The following ETNK1 variants were observed in gnomAD, a reference collection of about 807,000 sequenced individuals.
ETNK1 encodes the protein ethanolamine kinase 1, also known as putative protein product of Nbla10396.
In ETNK1, 8 loss-of-function variants were observed where a neutral mutation model predicts 45.1. The observed-to-expected ratio is 0.18, with a 90% CI of 0.10 to 0.32. The LOEUF (loss-of-function observed/expected upper bound fraction) is 0.32. Ranked by LOEUF, ETNK1 falls within the 10% of genes least tolerant of loss-of-function variation. The probability of loss-of-function intolerance (pLI) is 1.00; values close to 1 mark genes in which losing one functional copy is unlikely to be tolerated. For synonymous variants in ETNK1, 152 were observed against 151.9 expected (o/e 1.00, Z -0.01); for missense variants, 302 against 430.6 (o/e 0.70, Z 2.64).
At chr12:22,639,817 A>G (rs1953712006) in intron 1 of ETNK1, among the ~76,000 whole-genome samples, 1 of 152,214 alleles carries the variant, frequency 6.6e-6, no homozygotes, top group African/African-American at 2.4e-5. Flanking sequence ...TCCTACCATT[A>G]TAAAATTACC....
intron 1 of ETNK1, chr12:22,625,955 C>G: frequency 1.9e-6 from 1 of 513,550 alleles, no homozygotes; most frequent in South Asian, 1.6e-5. Flanking sequence ...ACCTCCTCCC[C>G]TCCCACCAGT....
chr12:22,656,148 T>G (rs1953938053), intron 2 of ETNK1, among the ~76,000 whole-genome samples: 1 of 152,254 alleles, frequency 6.6e-6, no homozygotes, highest in Non-Finnish European at 1.5e-5. Flanking sequence ...ACAGTAGAAT[T>G]GTCATTTCAG....
At chr12:22,633,432 T>G (rs1953606890) in intron 1 of ETNK1, among the ~76,000 whole-genome samples, 1 of 152,214 alleles carries the variant, frequency 6.6e-6, no homozygotes. Context: ...TGGATTACTC[T>G]CAATCATTGC....
At chr12:22,664,535 A>G (rs148441164) in intron 4 of ETNK1, among the ~76,000 whole-genome samples, 1 of 152,224 alleles carries the variant, frequency 6.6e-6, no homozygotes, top group African/African-American at 2.4e-5. Context: ...TGTGAATGTT[A>G]TTGGAACTGG....
chr12:22,675,204 C>T (rs755701003), intron 6 of ETNK1, among the ~76,000 whole-genome samples: 23 of 150,292 alleles, frequency 1.5e-4, no homozygotes, highest in Admixed American at 9.4e-4. Flanking sequence ...GAGTAGCAAG[C>T]GCCACCATGC....
intron 6 of ETNK1, among the ~76,000 whole-genome samples, chr12:22,681,619 C>A (rs532465075): frequency 3.3e-5 from 5 of 151,738 alleles, no homozygotes; most frequent in South Asian, 2.1e-4. Context: ...AGTCAAAATT[C>A]AAACATTTAA....
chr12:22,679,600 G>A (rs1954193904), intron 6 of ETNK1, among the ~76,000 whole-genome samples: 1 of 151,966 alleles, frequency 6.6e-6, no homozygotes, highest in Non-Finnish European at 1.5e-5. Context: ...ACCATCATAG[G>A]GTCCGATAAG....
At position 22,647,560 on chromosome 12, in the gene ETNK1, A is replaced by G. The variant is rs189447987; in HGVS notation, c.416+3538A>G. On this transcript the variant is annotated intron_variant, in intron 2 of 7. Transcript: ENST00000266517. ...AATGTAACTTTTTGACTATTGTCTA[A>G]TACATGCAAAATGGCTGATGCAGGG... Among the ~76,000 whole-genome samples the G allele has an allele frequency of 1.1e-4, 17 of 152,074 alleles. No individual in the cohort carries two copies. In the East Asian group the frequency reaches 3.1e-3, roughly 28 times the overall value.
At chr12:22,670,316 C>T (rs547428175) in intron 4 of ETNK1, among the ~76,000 whole-genome samples, 1 of 151,806 alleles carries the variant, frequency 6.6e-6, no homozygotes, top group African/African-American at 2.4e-5. Flanking sequence ...TAACTCCACG[C>T]CCCTGTAAGC....
chr12:22,679,835 G>T (rs553245566), intron 6 of ETNK1, among the ~76,000 whole-genome samples: 17 of 152,046 alleles, frequency 1.1e-4, no homozygotes, highest in African/African-American at 3.9e-4. Context: ...AGGAGTACAG[G>T]CGTTTGCCGC....
At position 22,625,635 on chromosome 12, in the gene ETNK1, C is replaced by G. The variant is rs567361051; in HGVS notation, c.156+49C>G. 3.3e-6 allele frequency: 5 copies of G among 1,519,226 alleles called. No homozygotes were observed. The East Asian group carries it at 1.2e-4, about 37-fold the overall frequency. 94.1% of individuals were successfully genotyped at this position (1,519,226 alleles called of 1,614,324 possible). ...GGTCTCTTATGCCCCTCACGCGGCT[C>G]TGGGGGTCCTCACCACAATCGCCTC... On this transcript the variant is annotated intron_variant, in intron 1 of 7. Coordinates refer to ENST00000266517, the MANE Select transcript of ETNK1 (RefSeq NM_018638.5).
chr12:22,677,736 G>A (rs1311335753), intron 6 of ETNK1, among the ~76,000 whole-genome samples: 1 of 152,102 alleles, frequency 6.6e-6, no homozygotes, highest in Non-Finnish European at 1.5e-5. Flanking sequence ...TCCCTTGTAC[G>A]TTGTATTCCT....
In ETNK1 at chr12:22,674,557, C is replaced by G. The variant is rs1954141849; in HGVS notation, c.945+897C>G. Among the ~76,000 whole-genome samples the G allele has an allele frequency of 2.0e-5, 3 of 152,208 alleles. 1 individual carries two copies. In the South Asian group the frequency reaches 6.2e-4, roughly 31 times the overall value. On this transcript the variant is annotated intron_variant, in intron 6 of 7. Coordinates refer to ENST00000266517, the MANE Select transcript of ETNK1 (RefSeq NM_018638.5). ...TTACTGGTTCAATTAATGACATGCT[C>G]TACAGCTGGTCCTAGGATGCCTGCT...
intron 1 of ETNK1, 165 bp downstream of exon 1, chr12:22,625,751 C>G (rs1953485303): frequency 9.8e-7 from 1 of 1,024,048 alleles, no homozygotes; most frequent in Admixed American, 2.0e-5. Flanking sequence ...CTAGGAGGGT[C>G]ACTCCCCCTT....
intron 5 of ETNK1, among the ~76,000 whole-genome samples, chr12:22,672,597 A>T (rs1954120517): frequency 6.6e-6 from 1 of 152,246 alleles, no homozygotes; most frequent in East Asian, 1.9e-4. Flanking sequence ...TGGATATGAA[A>T]TAGAAAACTC....
At chr12:22,650,447 ACT>A (rs1045417431) in intron 2 of ETNK1, among the ~76,000 whole-genome samples, 1 of 151,568 alleles carries the variant, frequency 6.6e-6, no homozygotes, top group Non-Finnish European at 1.5e-5. Context: ...GATTGAAGAT[ACT>A]CTCTCTTTAT....
chr12:22,677,830 G>A (rs1954176141), intron 6 of ETNK1, among the ~76,000 whole-genome samples: 1 of 152,148 alleles, frequency 6.6e-6, no homozygotes, highest in Non-Finnish European at 1.5e-5. Flanking sequence ...TGGTGTATGG[G>A]AATGCTTGTG....
At chr12:22,676,671 T>C (rs1355543764) in intron 6 of ETNK1, among the ~76,000 whole-genome samples, 1 of 152,118 alleles carries the variant, frequency 6.6e-6, no homozygotes, top group Admixed American at 6.5e-5. Context: ...CCGGCATCTA[T>C]TGTTTCCTGA....
rs1389309868 is a variant in ETNK1 at position 22,643,982 on chromosome 12, G to A, written c.376G>A (p.Ala126Thr). ...GLCYEFIQGE[A>T]LDPKHVCNPA... ...ATGCTATGAATTTATACAAGGAGAA[G>A]CACTGGATCCAAAGCATGTCTGCAA... is the stretch of plus-strand genomic sequence containing the variant. Residue 126 changes from alanine (A) to threonine (T), a missense_variant, in exon 2 of 8, where the codon GCA becomes ACA. Physicochemically the swap from Ala to Thr is moderately conservative, Grantham distance 58 (BLOSUM62 0). Around this residue, in one of 3 missense-constraint regions of ETNK1, gnomAD observed 205 missense variants for 259.9 expected, o/e 0.79. Coordinates refer to ENST00000266517, the MANE Select transcript of ETNK1 (RefSeq NM_018638.5). 1.9e-6 allele frequency: 3 copies of A among 1,610,762 alleles called. No individual in the cohort carries two copies. The highest frequency in any genetic ancestry group is 2.5e-6 in the Non-Finnish European group (3 of 1,177,616).
Sources: gnomAD v4.1 joint callset for allele counts (sites outside exome capture counted in the v4.1 genomes callset) on GRCh38, gnomAD v4.1.1 for gene constraint, gnomAD v4.1.1 regional missense constraint, MANE v1.5 for transcripts, NCBI Gene and HGNC (gene_info 2026-07-23, HGNC 2026-07-21) for gene names.